Variants in DNAH2 observed in about 807,000 individuals in gnomAD.
DNAH2 encodes dynein axonemal heavy chain 2, also known as axonemal beta dynein heavy chain 2.
In DNAH2, 323 loss-of-function variants were observed where a neutral mutation model predicts 523.5. The ratio of observed to expected loss-of-function variants is 0.62; its 90% confidence interval spans 0.56 to 0.68. DNAH2 has a LOEUF of 0.68. Among genes scored for constraint, DNAH2 ranks in the 30% least tolerant of loss-of-function variants. The pLI is 0.00. For missense variants in DNAH2, 4,907 were observed against 5,701.5 expected, an observed-to-expected ratio of 0.86 and a Z score of 4.49; for synonymous variants, 2,093 against 2,177.4, an observed-to-expected ratio of 0.96 and a Z score of 1.08.
At position 7,798,737 on chromosome 17, in the gene DNAH2, C is replaced by A; in HGVS notation, c.8559+19C>A. 6.2e-7 allele frequency: 1 copy of A among 1,604,680 alleles called. No homozygotes were observed. The highest frequency in any genetic ancestry group is 8.5e-7 in the Non-Finnish European group (1 of 1,176,168). On this transcript the variant is annotated intron_variant, in intron 55 of 85. Transcript: ENST00000572933. The surrounding 1 kb of genome is among the most constrained non-coding windows in gnomAD (Gnocchi z 5.5). ...TGAAGAGGTAGGATTCCTTCCACAC[C>A]CTTGACCAGTCAGTTCTTTGGCCTG...
Position 7,819,234 on chromosome 17 carries a change from C to T in DNAH2, c.10841C>T (p.Ala3614Val). 1 of 1,613,964 alleles carries T rather than the reference C, an allele frequency of 6.2e-7. No individual in the cohort carries two copies. The highest frequency in any genetic ancestry group is 8.5e-7 in the Non-Finnish European group (1 of 1,180,038). The change falls in exon 72 of 86, where the codon GCA becomes GTA. Residue 3614 changes from alanine (A) to valine (V), a missense_variant. Ala to Val is a moderately conservative substitution (Grantham distance 64). Coordinates refer to ENST00000572933, the MANE Select transcript of DNAH2 (RefSeq NM_020877.5). ...REAYRPCAQR[A>V]SILFFVLNDM... ...GCTTACCGCCCATGCGCCCAGCGGG[C>T]ATCAATCCTGTTCTTCGTGCTCAAT...
At chr17:7,778,711 G>A (rs895315042) in intron 35 of DNAH2, among the ~76,000 whole-genome samples, 2 of 152,112 alleles carry the variant, frequency 1.3e-5, no homozygotes, top group Admixed American at 6.6e-5. Context: ...TGGGATTACA[G>A]GCGTGTGACA....
In DNAH2 at chr17:7,831,749, G is replaced by T; in HGVS notation, c.12700G>T (p.Ala4234Ser). 6.2e-7 allele frequency: 1 copy of T among 1,614,058 alleles called. No homozygotes were observed. The highest frequency in any genetic ancestry group is 8.5e-7 in the Non-Finnish European group (1 of 1,179,992). ...AGAGATTTTCAATTGCATCTTTGATGCCCATGTTCCTCCGCTCTGGGGAAA... is the reference window on the plus strand; with the variant it reads ...AGAGATTTTCAATTGCATCTTTGATTCCCATGTTCCTCCGCTCTGGGGAAA... ...LEEIFNCIFDAHVPPLWGKAY... is the reference protein window; with the variant it reads ...LEEIFNCIFDSHVPPLWGKAY... The change falls in exon 82 of 86, where the codon GCC (alanine) becomes TCC (serine). Residue 4234 changes from alanine to serine, a missense_variant. Physicochemically the swap from Ala to Ser is moderately conservative, Grantham distance 99 (BLOSUM62 1). Transcript: ENST00000572933. The surrounding 1 kb of genome is among the most constrained non-coding windows in gnomAD (Gnocchi z 4.2).
chr17:7,798,503 A>C lies in DNAH2; in HGVS notation c.8399-55A>C, dbSNP rs1265140993. 4.4e-6 allele frequency: 7 copies of C among 1,603,034 alleles called. No individual in the cohort carries two copies. The East Asian group carries it at 1.6e-4, about 36-fold the overall frequency. ...GTTCCTAAATCTCAGAAAAGGAATC[A>C]AGCCCAGGATGGGGAATCTGCAGTG... On this transcript the variant is annotated intron_variant, in intron 54 of 85. Transcript: ENST00000572933. The surrounding 1 kb of genome is among the most constrained non-coding windows in gnomAD (Gnocchi z 5.5).
intron 30 of DNAH2, 72 bp from the exon 31 acceptor site, chr17:7,775,952 G>A: frequency 6.3e-7 from 1 of 1,588,528 alleles, no homozygotes; most frequent in Non-Finnish European, 8.6e-7. Flanking sequence ...TGCTCCATAA[G>A]TGCCTTCCCT....
Position 7,737,151 on chromosome 17 carries a change from A to G in DNAH2, c.1063A>G (p.Lys355Glu). Reference sequence around the variant, plus strand: ...CCAGGAGTTGGCTTTCATGAAGCCCAAGGACATCTCTAGCAAGCTCCCTAA... The same window carrying G: ...CCAGGAGTTGGCTTTCATGAAGCCCGAGGACATCTCTAGCAAGCTCCCTAA... Reference protein sequence around the residue: ...PYQELAFMKPKDISSKLPKLI... With the variant: ...PYQELAFMKPEDISSKLPKLI... The change falls in exon 8 of 86, where the codon AAG (lysine) becomes GAG (glutamate). Residue 355 changes from lysine (K) to glutamate (E), a missense_variant. By Grantham distance (56) the Lys-to-Glu change is moderately conservative (BLOSUM62 1). This residue lies in a region of DNAH2 where 2,806 missense variants were observed against 3,190.8 expected (regional missense o/e 0.88). Transcript: ENST00000572933. 6.2e-7 allele frequency: 1 copy of G among 1,614,148 alleles called. No individual in the cohort carries two copies. Among genetic ancestry groups the G allele is most frequent in the Non-Finnish European group, 8.5e-7 (1 of 1,180,032 alleles).
At chr17:7,788,728 T>C (rs2076814739) in intron 44 of DNAH2, among the ~76,000 whole-genome samples, 1 of 152,232 alleles carries the variant, frequency 6.6e-6, no homozygotes, top group African/African-American at 2.4e-5. Flanking sequence ...TTTGATATCT[T>C]CTGTTGAGAT....
chr17:7,833,720 C>T lies in DNAH2; in HGVS notation c.*187C>T. 1 of 794,158 alleles carries T rather than the reference C, an allele frequency of 1.3e-6. No homozygotes were observed. The highest frequency in any genetic ancestry group is 2.1e-6 in the Non-Finnish European group (1 of 472,028). The allele number at this position is 794,158 out of a possible 1,614,324, so 49.2% of individuals were successfully genotyped here. ...GAAAGAGTTGTATTGGAGCTCAGTG[C>T]TGTAAAACACCCGCGACAACAAGCC... On this transcript the variant is annotated 3_prime_UTR_variant, in exon 86 of 86. Coordinates refer to ENST00000572933, the MANE Select transcript of DNAH2 (RefSeq NM_020877.5).
intron 75 of DNAH2, 62 bp from the exon 76 acceptor site, chr17:7,824,059 T>A: frequency 2.5e-6 from 4 of 1,577,162 alleles, no homozygotes; most frequent in Non-Finnish European, 2.6e-6. Context: ...GTCTCCTTCA[T>A]CTCTCTCTCC....
chr17:7,731,374 C>G (rs1313858299), intron 4 of DNAH2, among the ~76,000 whole-genome samples: 1 of 151,848 alleles, frequency 6.6e-6, no homozygotes, highest in Admixed American at 6.6e-5. Context: ...GAAAGGGATC[C>G]TTTGGGAAGA....
chr17:7,776,007 C>T lies in DNAH2; in HGVS notation c.4822-17C>T, dbSNP rs1567679136. The T allele has an allele frequency of 6.2e-7, 1 of 1,613,382 alleles. No homozygotes were observed. Among genetic ancestry groups the T allele is most frequent in the Admixed American group, 1.7e-5 (1 of 59,996 alleles). The stretch of plus-strand genomic sequence containing the variant: ...CCCCCTCAGGCTGAGCTGCCCTATT[C>T]TCCCACCTCCCCCCAGTCCTGGCTT... On this transcript the variant is annotated splice_polypyrimidine_tract_variant and intron_variant, in intron 30 of 85. Coordinates refer to ENST00000572933, the MANE Select transcript of DNAH2 (RefSeq NM_020877.5).
chr17:7,770,221 T>C (rs1198798440), intron 24 of DNAH2, 31 bp from the exon 25 acceptor site: 1 of 1,564,218 alleles, frequency 6.4e-7, no homozygotes, highest in African/African-American at 1.4e-5. Context: ...GTAACTCTCC[T>C]GACCTCACAC....
chr17:7,800,760 G>A (rs545255538), intron 56 of DNAH2, among the ~76,000 whole-genome samples: 15 of 150,346 alleles, frequency 1.0e-4, no homozygotes, highest in Non-Finnish European at 1.6e-4. Context: ...CCAGCTACTC[G>A]GGAGGCTGAG....
Position 7,819,078 on chromosome 17 carries a change from C to G in DNAH2, c.10815+15C>G. The stretch of plus-strand genomic sequence containing the variant: ...TGGCGCGGGAGGTAAGCTCCCGGCC[C>G]TCCAGTCCTGCCTCCCACCAGCCAT... On this transcript the variant is annotated intron_variant, in intron 71 of 85. Transcript: ENST00000572933. 1 of 1,601,684 alleles carries G rather than the reference C, an allele frequency of 6.2e-7. No individual in the cohort carries two copies. The highest frequency in any genetic ancestry group is 8.5e-7 in the Non-Finnish European group (1 of 1,177,584).
chr17:7,734,199 G>A lies in DNAH2; in HGVS notation c.645G>A (p.Leu215=), dbSNP rs917613998. Residue 215 remains leucine, a synonymous_variant, in exon 6 of 86, where the codon CTG becomes CTA. Coordinates refer to ENST00000572933, the MANE Select transcript of DNAH2 (RefSeq NM_020877.5). The part of the protein sequence containing the change: ...LACLTDTRYK[L]EGHTVLYIPA... ...TTTCCTTAGACACTCGGTACAAACT[G>A]GAGGGGCACACGGTCCTCTACATCC... 4 of 1,598,936 alleles carry A rather than the reference G, an allele frequency of 2.5e-6. No homozygotes were observed. Among genetic ancestry groups the A allele is most frequent in the Non-Finnish European group, 3.4e-6 (4 of 1,172,284 alleles).
rs2151259173 is a variant in DNAH2, at chr17:7,786,316, G to A, written c.6322G>A (p.Gly2108Arg). ...CTCCCTGTCCTCTCTGTGCCGCGCC[G>A]GAGACCCTAACTTCAACATTGTTAG... Reference protein sequence around the residue: ...QASLSSLCRAGDPNFNIVREF... With the variant: ...QASLSSLCRARDPNFNIVREF... The change falls in exon 40 of 86, where the codon GGA becomes AGA. Residue 2108 changes from glycine to arginine, a missense_variant. Transcript: ENST00000572933. This position sits in a 1 kb window ranked among gnomAD's most constrained non-coding sequence, Gnocchi z 7.5. 12 of 1,613,150 alleles carry A rather than the reference G, an allele frequency of 7.4e-6. No homozygotes were observed. The highest frequency in any genetic ancestry group is 2.2e-5 in the East Asian group (1 of 44,876).
chr17:7,782,534 G>C (rs1214174428), intron 39 of DNAH2, among the ~76,000 whole-genome samples: 1 of 152,134 alleles, frequency 6.6e-6, no homozygotes, highest in African/African-American at 2.4e-5. Context: ...TCAAAGAAGT[G>C]CCACAGGTAA....
chr17:7,786,809 G>C lies in DNAH2; in HGVS notation c.6467-88G>C, dbSNP rs1035229630. 9 of 1,605,098 alleles carry C rather than the reference G, an allele frequency of 5.6e-6. No homozygotes were observed. The African/African-American group carries it at 9.4e-5, about 17-fold the overall frequency. The stretch of plus-strand genomic sequence containing the variant: ...GCCTGGGGAATGCTGAAGTACAAGG[G>C]AGTGTAGGCTTGTGTCTCCGAGGAG... On this transcript the variant is annotated intron_variant, in intron 41 of 85. Transcript: ENST00000572933. The surrounding 1 kb of genome is among the most constrained non-coding windows in gnomAD (Gnocchi z 7.5).
intron 39 of DNAH2, among the ~76,000 whole-genome samples, chr17:7,784,286 T>C (rs1390661230): frequency 6.6e-6 from 1 of 152,178 alleles, no homozygotes; most frequent in African/African-American, 2.4e-5. Flanking sequence ...TATTTCTTAA[T>C]TGATAGAGCA....
Sources: allele counts gnomAD v4.1 joint callset (sites outside exome capture counted in the v4.1 genomes callset), GRCh38; gene constraint gnomAD v4.1.1; regional missense constraint gnomAD v4.1.1; non-coding constraint Gnocchi (gnomAD v3.1); transcripts MANE v1.5; gene names NCBI Gene and HGNC (gene_info 2026-07-23, HGNC 2026-07-21).